Variants in HMGN5 observed in about 807,000 individuals in gnomAD.
The protein encoded by HMGN5 is high mobility group nucleosome-binding domain-containing protein 5.
In HMGN5, 4 loss-of-function variants were observed where a neutral mutation model predicts 9.5. The ratio of observed to expected loss-of-function variants is 0.42; its 90% CI spans 0.21 to 0.96. HMGN5 has a LOEUF of 0.96. HMGN5 is among the 40% of genes least tolerant of loss of function. The probability of loss-of-function intolerance (pLI) is 0.30; values close to 1 mark genes in which losing one functional copy is unlikely to be tolerated. For missense variants in HMGN5, 192 were observed against 187.5 expected, an observed-to-expected ratio of 1.02 and a Z score of -0.14; for synonymous variants, 55 against 57.1, an observed-to-expected ratio of 0.96 and a Z score of 0.16.
At chrX:81,172,516 G>C (rs2075429022) in intron 1 of HMGN5, among the ~76,000 whole-genome samples, 1 of 107,012 alleles carries the variant, frequency 9.3e-6, no homozygotes, top group South Asian at 4.0e-4. Context: ...AGAGATTGTT[G>C]TTATGTACAC....
At chrX:81,158,617 C>T (rs1356612765) in intron 1 of HMGN5, among the ~76,000 whole-genome samples, 1 of 112,150 alleles carries the variant, frequency 8.9e-6, no homozygotes, top group Admixed American at 9.5e-5. Context: ...TGTAGGTTGC[C>T]TGTTCACTCT....
At chrX:81,195,760 C>A (rs1331710701) in intron 1 of HMGN5, among the ~76,000 whole-genome samples, 1 of 111,819 alleles carries the variant, frequency 8.9e-6, no homozygotes, top group Admixed American at 9.5e-5. Context: ...TCCTTGAGAC[C>A]ATTTACTGTT....
chrX:81,138,972 T>TA (rs1357766299), intron 1 of HMGN5, among the ~76,000 whole-genome samples: 2 of 111,357 alleles, frequency 1.8e-5, no homozygotes, highest in Non-Finnish European at 3.8e-5. Flanking sequence ...ATGAAGAACA[T>TA]AAAAAAAGAA....
intron 1 of HMGN5, among the ~76,000 whole-genome samples, chrX:81,160,734 G>T (rs1330599133): frequency 1.8e-5 from 2 of 111,456 alleles, no homozygotes; most frequent in Admixed American, 9.6e-5. Context: ...GTATTCCATG[G>T]TGTATATGTA....
intron 1 of HMGN5, among the ~76,000 whole-genome samples, chrX:81,136,795 T>C (rs2075312303): frequency 9.0e-6 from 1 of 111,665 alleles, no homozygotes; most frequent in Non-Finnish European, 1.9e-5. Flanking sequence ...AATGATATAC[T>C]GTTTGCAAGA....
chrX:81,198,566 G>C (rs1162578125), intron 1 of HMGN5, among the ~76,000 whole-genome samples: 1 of 111,886 alleles, frequency 8.9e-6, no homozygotes, highest in Non-Finnish European at 1.9e-5. Flanking sequence ...TGCAAGGCTA[G>C]TTCAATATAT....
At chrX:81,174,973 G>C (rs962594909) in intron 1 of HMGN5, among the ~76,000 whole-genome samples, 1 of 111,388 alleles carries the variant, frequency 9.0e-6, no homozygotes, top group Non-Finnish European at 1.9e-5. Context: ...GAACAACTTA[G>C]AATAAGTAGT....
At chrX:81,117,067 C>T (rs1396819080) in intron 5 of HMGN5, among the ~76,000 whole-genome samples, 1 of 110,588 alleles carries the variant, frequency 9.0e-6, no homozygotes, top group Non-Finnish European at 1.9e-5. Context: ...ATACCACCCA[C>T]CTCACGGGGA....
intron 1 of HMGN5, among the ~76,000 whole-genome samples, chrX:81,122,150 CA>C (rs2075271049): frequency 9.0e-6 from 1 of 111,531 alleles, no homozygotes; most frequent in Non-Finnish European, 1.9e-5. Flanking sequence ...TCAGAAAGCG[CA>C]AAAGAGTGGA....
At chrX:81,191,127 G>T (rs919104653) in intron 1 of HMGN5, among the ~76,000 whole-genome samples, 2 of 111,388 alleles carry the variant, frequency 1.8e-5, no homozygotes, top group African/African-American at 3.3e-5. Context: ...TATTGATCTT[G>T]CAGGCAGTTA....
At chrX:81,115,690 C>G (rs2075251337) in intron 6 of HMGN5, among the ~76,000 whole-genome samples, 1 of 111,990 alleles carries the variant, frequency 8.9e-6, no homozygotes, top group Non-Finnish European at 1.9e-5. Flanking sequence ...TATAAGATAA[C>G]TTACAAAAGA....
rs2075268969 is a variant in HMGN5, at chrX:81,121,645, C to T, written c.-96G>A. On this transcript the variant is annotated 5_prime_UTR_variant, in exon 2 of 7. Coordinates refer to ENST00000358130, the MANE Select transcript of HMGN5 (RefSeq NM_030763.3). The stretch of plus-strand genomic sequence containing the variant: ...CAAGAGCAAATGAGTTTTCAATGAA[C>T]TAACTGCAGCACGACCTGTACTCTC... 1 of 592,403 alleles carries T rather than the reference C, an allele frequency of 1.7e-6. No individual in the cohort carries two copies. Among genetic ancestry groups the T allele is most frequent in the African/African-American group, 2.4e-5 (1 of 42,206 alleles). 48.8% of individuals were successfully genotyped at this position (592,403 alleles called of 1,213,427 possible).
chrX:81,157,851 C>A lies in HMGN5; in HGVS notation c.-123-36179G>T, dbSNP rs756925463. ...CTGGAGTGCAGTGGCGCAATCTCGG[C>A]TCACTGCAAGCTCTGCCTCCTGGGT... On this transcript the variant is annotated intron_variant, in intron 1 of 6. Transcript: ENST00000358130. Among the ~76,000 whole-genome samples, 14 of 110,413 alleles carry A rather than the reference C, an allele frequency of 1.3e-4. No individual in the cohort carries two copies. The South Asian group carries it at 2.0e-3, about 15-fold the overall frequency.
chrX:81,119,742 A>C (rs753663899), intron 3 of HMGN5, 46 bp downstream of exon 3: 1 of 1,125,413 alleles, frequency 8.9e-7, no homozygotes, highest in African/African-American at 1.8e-5. Flanking sequence ...CAAGTTTATA[A>C]AACGAGTGGT....
chrX:81,152,238 C>G (rs1479707625), intron 1 of HMGN5, among the ~76,000 whole-genome samples: 1 of 111,462 alleles, frequency 9.0e-6, no homozygotes, highest in Non-Finnish European at 1.9e-5. Flanking sequence ...TTTTCACAAC[C>G]GACTCATCTG....
rs2075246680 is a variant in HMGN5 at position 81,114,522 on chromosome X, G to A, written c.*127C>T. 1 of 601,903 alleles carries A rather than the reference G, an allele frequency of 1.7e-6. No homozygotes were observed. The highest frequency in any genetic ancestry group is 7.1e-5 in the South Asian group (1 of 14,076). 49.6% of individuals were successfully genotyped at this position (601,903 alleles called of 1,213,427 possible). On this transcript the variant is annotated 3_prime_UTR_variant, in exon 7 of 7. Transcript: ENST00000358130. Reference sequence around the variant, plus strand: ...TATGGCTAATAATCAATATGAAGATGTTCTGAAATTAAATCAATGCTAAAG... The same window carrying A: ...TATGGCTAATAATCAATATGAAGATATTCTGAAATTAAATCAATGCTAAAG...
chrX:81,159,898 C>T (rs967429968), intron 1 of HMGN5, among the ~76,000 whole-genome samples: 2 of 111,398 alleles, frequency 1.8e-5, no homozygotes, highest in Non-Finnish European at 3.8e-5. Flanking sequence ...TTCTTTACTT[C>T]AAAATGAATC....
At chrX:81,132,543 A>G (rs2075300289) in intron 1 of HMGN5, among the ~76,000 whole-genome samples, 1 of 111,553 alleles carries the variant, frequency 9.0e-6, no homozygotes, top group South Asian at 3.7e-4. Context: ...ATAAGACTGC[A>G]CAACTAAAAA....
intron 1 of HMGN5, among the ~76,000 whole-genome samples, chrX:81,194,390 A>C (rs1226270745): frequency 8.9e-6 from 1 of 111,822 alleles, no homozygotes; most frequent in Non-Finnish European, 1.9e-5. Flanking sequence ...CATAGGGACA[A>C]AATGTTGCTA....
Sources: gnomAD v4.1 joint callset for allele counts (sites outside exome capture counted in the v4.1 genomes callset) on GRCh38, gnomAD v4.1.1 for gene constraint, MANE v1.5 for transcripts, NCBI Gene and HGNC (gene_info 2026-07-23, HGNC 2026-07-21) for gene names.